SNX30: variants seen among roughly 807,000 people sequenced by gnomAD.
The protein encoded by SNX30 is sorting nexin-30.
A neutral mutation model predicts 46.4 loss-of-function variants in SNX30; 24 were observed. That is an observed-to-expected ratio of 0.52 (90% confidence interval 0.37 to 0.73). The LOEUF is 0.73. Ranked by LOEUF, SNX30 falls within the 30% of genes least tolerant of loss-of-function variation. The pLI, the probability that SNX30 is intolerant of heterozygous loss-of-function variation, is 0.00. For synonymous variants in SNX30, 189 were observed against 211.5 expected, an observed-to-expected ratio of 0.89 and a Z score of 0.92; for missense variants, 533 against 555.7, an observed-to-expected ratio of 0.96 and a Z score of 0.41.
chr9:112,771,594 G>A (rs868306033), intron 1 of SNX30, among the ~76,000 whole-genome samples: 1 of 152,152 alleles, frequency 6.6e-6, no homozygotes, highest in Admixed American at 6.5e-5. Flanking sequence ...GTCTCCCCGG[G>A]TGGCTATTTG....
chr9:112,808,366 A>G (rs1840263316), intron 2 of SNX30, among the ~76,000 whole-genome samples: 2 of 152,262 alleles, frequency 1.3e-5, no homozygotes, highest in African/African-American at 4.8e-5. Flanking sequence ...AAATAAGTGA[A>G]GGCTGACAGC....
At chr9:112,807,454 C>CG (rs754933139) in intron 2 of SNX30, among the ~76,000 whole-genome samples, 6 of 152,174 alleles carry the variant, frequency 3.9e-5, no homozygotes, top group Non-Finnish European at 5.9e-5. Flanking sequence ...CCCACTACAC[C>CG]ACTGGGCACC....
At chr9:112,787,092 C>T (rs554912453) in intron 1 of SNX30, among the ~76,000 whole-genome samples, 1 of 152,266 alleles carries the variant, frequency 6.6e-6, no homozygotes, top group Admixed American at 6.5e-5. Context: ...GCCTGGAAGG[C>T]CATCTGTACT....
intron 4 of SNX30, among the ~76,000 whole-genome samples, chr9:112,835,696 G>T (rs1351136736): frequency 6.6e-6 from 1 of 152,104 alleles, no homozygotes; most frequent in Non-Finnish European, 1.5e-5. Context: ...GAAATCCAGG[G>T]TTAAAATGTT....
At chr9:112,864,215 G>T in intron 7 of SNX30, 32 bp from the exon 8 acceptor site, 3 of 1,611,478 alleles carry the variant, frequency 1.9e-6, no homozygotes, top group South Asian at 2.2e-5. Flanking sequence ...AGTTTTGTGT[G>T]CAGGGCACCC....
intron 4 of SNX30, among the ~76,000 whole-genome samples, chr9:112,833,936 T>A (rs1046041441): frequency 1.3e-5 from 2 of 152,190 alleles, no homozygotes; most frequent in African/African-American, 4.8e-5. Flanking sequence ...TAGAGGAGAT[T>A]GCTGCTGTTT....
chr9:112,796,528 T>A (rs1840109738), intron 1 of SNX30, among the ~76,000 whole-genome samples: 1 of 152,174 alleles, frequency 6.6e-6, no homozygotes, highest in South Asian at 2.1e-4. Flanking sequence ...GAGGGGCTGT[T>A]GAAGGTATGA....
intron 1 of SNX30, among the ~76,000 whole-genome samples, chr9:112,761,070 A>G (rs535426465): frequency 2.6e-4 from 39 of 152,334 alleles, no homozygotes; most frequent in Non-Finnish European, 4.3e-4. Context: ...TAGACAGGTC[A>G]GGAGGTTAAT....
intron 2 of SNX30, among the ~76,000 whole-genome samples, chr9:112,811,943 C>T (rs1444825210): frequency 6.6e-6 from 1 of 152,168 alleles, no homozygotes. Context: ...ACAAACTTAT[C>T]TTTGGAGTTT....
intron 4 of SNX30, among the ~76,000 whole-genome samples, chr9:112,832,430 A>AGAGAGAG (rs1840674096): frequency 1.3e-5 from 1 of 79,676 alleles, no homozygotes; most frequent in Admixed American, 1.4e-4. Flanking sequence ...ATAAGTAGGA[A>AGAGAGAG]AGAGAGAGAG....
intron 2 of SNX30, among the ~76,000 whole-genome samples, chr9:112,808,270 A>G (rs1840262156): frequency 6.6e-6 from 1 of 152,230 alleles, no homozygotes; most frequent in African/African-American, 2.4e-5. Flanking sequence ...TTGCTTTATT[A>G]CCTTAAGGCT....
At chr9:112,798,124 T>C (rs1311038877) in intron 1 of SNX30, among the ~76,000 whole-genome samples, 1 of 10,276 alleles carries the variant, frequency 9.7e-5, no homozygotes, top group African/African-American at 2.2e-4. Flanking sequence ...TTTTTTTCTT[T>C]TTTTTTTTTT....
chr9:112,866,152 A>G (rs1054732687), intron 8 of SNX30, among the ~76,000 whole-genome samples: 1 of 152,158 alleles, frequency 6.6e-6, no homozygotes, highest in Non-Finnish European at 1.5e-5. Context: ...AAATTGATAA[A>G]CAGCAGGATT....
chr9:112,872,836 A>G lies in SNX30; in HGVS notation c.*3993A>G, dbSNP rs567235238. 2.6e-5 allele frequency: 4 copies of G among 152,376 alleles called. No individual in the cohort carries two copies. Among genetic ancestry groups the G allele is most frequent in the Admixed American group, 1.3e-4 (2 of 15,302 alleles). The allele number at this position is 152,376 out of a possible 1,614,324, so 9.4% of individuals were successfully genotyped here. A position where few individuals can be genotyped will look rare whatever the true frequency, so the allele number is the denominator to read the frequency against. ...TCTTGTGTCTTGTCTGTCAGATGGC[A>G]GGAGGCCTGTATCAGTAAATTTGAG... On this transcript the variant is annotated 3_prime_UTR_variant, in exon 9 of 9. Coordinates refer to ENST00000374232, the MANE Select transcript of SNX30 (RefSeq NM_001012994.2).
chr9:112,858,158 C>T (rs1334782084), intron 7 of SNX30, among the ~76,000 whole-genome samples: 1 of 152,176 alleles, frequency 6.6e-6, no homozygotes, highest in Non-Finnish European at 1.5e-5. Flanking sequence ...TGTCAACATC[C>T]TTCAGACGCA....
chr9:112,837,818 A>G (rs1354520606), intron 5 of SNX30, among the ~76,000 whole-genome samples: 5 of 149,544 alleles, frequency 3.3e-5, no homozygotes, highest in African/African-American at 1.2e-4. Context: ...CCCTAAACCT[A>G]TATGAAACTC....
intron 2 of SNX30, among the ~76,000 whole-genome samples, chr9:112,808,055 C>T (rs1840258333): frequency 1.3e-5 from 2 of 152,154 alleles, no homozygotes; most frequent in African/African-American, 2.4e-5. Flanking sequence ...CTAATAGTGA[C>T]ACCAGGTTTA....
chr9:112,806,178 C>T (rs1840221764), intron 2 of SNX30, among the ~76,000 whole-genome samples: 1 of 152,104 alleles, frequency 6.6e-6, no homozygotes, highest in African/African-American at 2.4e-5. Flanking sequence ...TCTTGGTCCC[C>T]AGTTGTGACA....
intron 1 of SNX30, among the ~76,000 whole-genome samples, chr9:112,759,742 AAG>A (rs1311827210): frequency 2.6e-5 from 4 of 151,842 alleles, no homozygotes; most frequent in Non-Finnish European, 4.4e-5. Flanking sequence ...AAAAAAAAAA[AAG>A]TTGTTCATGC....
Sources: allele counts gnomAD v4.1 joint callset (sites outside exome capture counted in the v4.1 genomes callset), GRCh38; gene constraint gnomAD v4.1.1; transcripts MANE v1.5; gene names NCBI Gene and HGNC (gene_info 2026-07-23, HGNC 2026-07-21).